The following KDM4B variants were observed in gnomAD, a reference collection of about 807,000 sequenced individuals.
KDM4B encodes the protein lysine-specific demethylase 4B.
A neutral mutation model predicts 125.2 loss-of-function variants in KDM4B; 32 were observed. The ratio of observed to expected loss-of-function variants is 0.26; its 90% CI spans 0.19 to 0.34. The LOEUF is 0.34. Ranked by LOEUF, KDM4B falls within the 10% of genes least tolerant of loss-of-function variation. The pLI, the probability that KDM4B is intolerant of heterozygous loss-of-function variation, is 1.00. For missense variants in KDM4B, 1,190 were observed against 1,577.7 expected, an observed-to-expected ratio of 0.75 and a Z score of 4.16; for synonymous variants, 721 against 677.9, an observed-to-expected ratio of 1.06 and a Z score of -0.99.
chr19:5,137,649 G>T lies in KDM4B; in HGVS notation c.2414G>T (p.Gly805Val). The T allele has an allele frequency of 6.3e-7, 1 of 1,599,242 alleles. No individual in the cohort carries two copies. Residue 805 changes from glycine to valine, a missense_variant, in exon 17 of 23, where the codon GGT (glycine) becomes GTT (valine). Gly to Val is a moderately radical substitution (Grantham distance 109). This residue lies in a region of KDM4B where 298 missense variants were observed against 439.7 expected (regional missense o/e 0.68). Transcript: ENST00000159111. Reference sequence around the variant, plus strand: ...TGCTGCCTGTGCAACCTGCGAGGAGGTGCGCTGCAGATGACCACCGATAGG... The same window carrying T: ...TGCTGCCTGTGCAACCTGCGAGGAGTTGCGCTGCAGATGACCACCGATAGG... The part of the protein sequence containing the change: ...AECCLCNLRG[G>V]ALQMTTDRRW...
rs767673795 is a variant in KDM4B at position 5,047,432 on chromosome 19, G to C, written c.433-44G>C. On this transcript the variant is annotated intron_variant, in intron 5 of 22. Coordinates refer to ENST00000159111, the MANE Select transcript of KDM4B (RefSeq NM_015015.3). ...CTGCACCCCAGGGCTCGCAGGTTCTGGGGGTGGCCGGGCGGTTGCCGACGC... is the reference window on the plus strand; with the variant it reads ...CTGCACCCCAGGGCTCGCAGGTTCTCGGGGTGGCCGGGCGGTTGCCGACGC... 15 of 1,500,344 alleles carry C rather than the reference G, an allele frequency of 1.0e-5. No individual in the cohort carries two copies. The South Asian group carries it at 1.4e-4, about 14-fold the overall frequency. The allele number at this position is 1,500,344 out of a possible 1,614,324, so 92.9% of individuals were successfully genotyped here.
intron 10 of KDM4B, 76 bp downstream of exon 10, chr19:5,110,894 C>G: frequency 2.4e-6 from 3 of 1,245,766 alleles, no homozygotes; most frequent in Non-Finnish European, 3.2e-6. Context: ...CAGGCCCCTT[C>G]CCACTGGCAG....
Position 5,082,587 on chromosome 19 carries a change from G to T in KDM4B, c.918+83G>T. ...CCTCTGCAGCCACACGCCCATAGCT[G>T]GTCCAGCAGCCGTTTCGCTCAGCCC... On this transcript the variant is annotated intron_variant, in intron 9 of 22. Coordinates refer to ENST00000159111, the MANE Select transcript of KDM4B (RefSeq NM_015015.3). The surrounding 1 kb of genome is among the most constrained non-coding windows in gnomAD (Gnocchi z 5.4). The T allele has an allele frequency of 6.9e-7, 1 of 1,443,354 alleles. No individual in the cohort carries two copies. Among genetic ancestry groups the T allele is most frequent in the South Asian group, 1.4e-5 (1 of 73,384 alleles). The allele number at this position is 1,443,354 out of a possible 1,614,324, so 89.4% of individuals were successfully genotyped here.
At chr19:5,032,230 T>C (rs960481066) in intron 2 of KDM4B, among the ~76,000 whole-genome samples, 1 of 152,182 alleles carries the variant, frequency 6.6e-6, no homozygotes, top group Admixed American at 6.5e-5. Context: ...CAATCCCCCA[T>C]TCTGTACAGG....
At chr19:4,999,356 G>A (rs185152320) in intron 1 of KDM4B, among the ~76,000 whole-genome samples, 44 of 152,178 alleles carry the variant, frequency 2.9e-4, no homozygotes, top group African/African-American at 6.5e-4. Flanking sequence ...CACCCTGCTC[G>A]GAGCACTTCC....
chr19:5,148,120 G>A (rs916994043), intron 21 of KDM4B, among the ~76,000 whole-genome samples: 2 of 152,254 alleles, frequency 1.3e-5, no homozygotes, highest in Non-Finnish European at 2.9e-5. Context: ...CTTCTGAGAC[G>A]TGCCGGGCAA....
intron 1 of KDM4B, among the ~76,000 whole-genome samples, chr19:4,972,959 C>T (rs2034312571): frequency 6.6e-6 from 1 of 152,158 alleles, no homozygotes; most frequent in Non-Finnish European, 1.5e-5. Context: ...CCGGGTCTTC[C>T]TGGGCTGCTC....
At chr19:5,052,071 G>A (rs1222882162) in intron 6 of KDM4B, among the ~76,000 whole-genome samples, 1 of 152,098 alleles carries the variant, frequency 6.6e-6, no homozygotes, top group Non-Finnish European at 1.5e-5. Context: ...TGCTGGGGAG[G>A]CCAGGGGAGA....
chr19:5,100,380 C>T (rs4807688), intron 9 of KDM4B, among the ~76,000 whole-genome samples: 42,160 of 152,152 alleles, frequency 0.28, 6,335 homozygotes, highest in East Asian at 0.68. Flanking sequence ...TCCCCACCTC[C>T]GTTTTCTACG....
chr19:5,074,822 A>G (rs2038053161), intron 7 of KDM4B: 2 of 152,284 alleles, frequency 1.3e-5, no homozygotes, highest in Non-Finnish European at 2.9e-5. Context: ...CAATGACCCA[A>G]TGGGTGTGTG....
intron 1 of KDM4B, among the ~76,000 whole-genome samples, chr19:4,987,311 AT>A (rs1413406728): frequency 6.6e-6 from 1 of 152,248 alleles, no homozygotes; most frequent in Admixed American, 6.5e-5. Flanking sequence ...CTCTTGGCCG[AT>A]TGCGGTCAGG....
At position 5,110,758 on chromosome 19, in the gene KDM4B, G is replaced by A. The variant is rs1599207048; in HGVS notation, c.1055G>A (p.Ser352Asn). Residue 352 changes from serine to asparagine, a missense_variant, in exon 10 of 23, where the codon AGC (serine) becomes AAC (asparagine). Physicochemically the swap from Ser to Asn is conservative, Grantham distance 46 (BLOSUM62 1). This residue lies in a region of KDM4B where 428 missense variants were observed against 405.1 expected (regional missense o/e 1.06). Transcript: ENST00000159111. ...CACACGCGGCCCACGGCGCTCACCA[G>A]CCCCGAGCTGAGCTCCTGGAGTGCA... The part of the protein sequence containing the change: ...LDHTRPTALT[S>N]PELSSWSASR... 1 of 1,609,896 alleles carries A rather than the reference G, an allele frequency of 6.2e-7. No individual in the cohort carries two copies. The highest frequency in any genetic ancestry group is 8.5e-7 in the Non-Finnish European group (1 of 1,178,524).
intron 1 of KDM4B, among the ~76,000 whole-genome samples, chr19:4,969,815 G>T (rs1329344387): frequency 1.3e-5 from 2 of 149,860 alleles, no homozygotes; most frequent in African/African-American, 4.9e-5. Context: ...AACCTGCTAT[G>T]CCTTGGTAGC....
chr19:5,019,294 AGGTGTTGGTGTG>A (rs552044351), intron 2 of KDM4B, among the ~76,000 whole-genome samples: 21,933 of 118,050 alleles, frequency 0.19, 2,141 homozygotes, highest in Non-Finnish European at 0.21. Context: ...ATTGGTGTGC[AGGTGTTGGTGTG>A]GGTGTTGGTG....
At chr19:5,025,820 C>T (rs1444483735) in intron 2 of KDM4B, among the ~76,000 whole-genome samples, 10 of 152,248 alleles carry the variant, frequency 6.6e-5, no homozygotes, top group Admixed American at 6.5e-4. Flanking sequence ...CCAGACCTCT[C>T]TGGTCCCAAA....
intron 9 of KDM4B, among the ~76,000 whole-genome samples, chr19:5,083,965 G>C (rs561126856): frequency 1.3e-5 from 2 of 152,282 alleles, no homozygotes; most frequent in South Asian, 2.1e-4. Flanking sequence ...GTCAGACCTT[G>C]GCCTGGTGCG....
intron 9 of KDM4B, among the ~76,000 whole-genome samples, chr19:5,105,817 C>T (rs1361501960): frequency 6.6e-6 from 1 of 152,200 alleles, no homozygotes; most frequent in Non-Finnish European, 1.5e-5. Flanking sequence ...AATGTTCAGC[C>T]CTGCCCTTGT....
At chr19:5,144,213 G>T in intron 19 of KDM4B, 35 bp from the exon 20 acceptor site, 3 of 1,517,516 alleles carry the variant, frequency 2.0e-6, no homozygotes, top group Non-Finnish European at 1.8e-6. Flanking sequence ...CGACACCCGC[G>T]CTGACCGCCC....
intron 21 of KDM4B, among the ~76,000 whole-genome samples, chr19:5,146,238 C>CT (rs1435551361): frequency 2.0e-5 from 3 of 151,534 alleles, no homozygotes; most frequent in African/African-American, 7.3e-5. Flanking sequence ...CATCCAGGAC[C>CT]CCCCCCGCTC....
Sources: allele counts gnomAD v4.1 joint callset (sites outside exome capture counted in the v4.1 genomes callset), GRCh38; gene constraint gnomAD v4.1.1; regional missense constraint gnomAD v4.1.1; non-coding constraint Gnocchi (gnomAD v3.1); transcripts MANE v1.5; gene names NCBI Gene and HGNC (gene_info 2026-07-23, HGNC 2026-07-21).